The following CKAP2 variants were observed in gnomAD, a reference collection of about 807,000 sequenced individuals.
CKAP2 encodes the protein cytoskeleton associated protein 2.
CKAP2 carries 46 observed loss-of-function variants against 58.4 expected under a neutral mutation model. That is an observed-to-expected ratio of 0.79 (90% CI 0.62 to 1.01). The LOEUF is 1.01. Among genes scored for constraint, CKAP2 ranks in the 50% least tolerant of loss-of-function variants. The pLI, the probability that CKAP2 is intolerant of heterozygous loss-of-function variation, is 0.00. For missense variants in CKAP2, 809 were observed against 796.4 expected (o/e 1.02, Z -0.19); for synonymous variants, 293 against 280.9 (o/e 1.04, Z -0.43).
rs1288022753 is a variant in CKAP2 at position 52,461,479 on chromosome 13, A to G, written c.653A>G (p.Gln218Arg). The G allele has an allele frequency of 6.2e-7, 1 of 1,614,178 alleles. No individual in the cohort carries two copies. Among genetic ancestry groups the G allele is most frequent in the South Asian group, 1.1e-5 (1 of 91,080 alleles). The stretch of plus-strand genomic sequence containing the variant: ...ACTATACCTAAAGCCACAAAACCTC[A>G]GCCTGTAAACACCAGCAGTGTAACA... ...SATIPKATKP[Q>R]PVNTSSVTVK... The change falls in exon 4 of 9, where the codon CAG becomes CGG. Residue 218 changes from glutamine to arginine, a missense_variant. Transcript: ENST00000258607.
intron 1 of CKAP2, 58 bp from the exon 2 acceptor site, chr13:52,456,465 T>G: frequency 3.9e-6 from 5 of 1,287,952 alleles, no homozygotes; most frequent in Non-Finnish European, 5.6e-6. Flanking sequence ...CAAGATTTAT[T>G]TGCCGTTATC....
rs143204885 is a variant in CKAP2, at chr13:52,461,640, A to C, written c.814A>C (p.Ser272Arg). Reference sequence around the variant, plus strand: ...CCGGGACACTGTGAAACAAGGCATCAGTAGAACTTCTGCCAATGTTACAAT... The same window carrying C: ...CCGGGACACTGTGAAACAAGGCATCCGTAGAACTTCTGCCAATGTTACAAT... ...NTRDTVKQGI[S>R]RTSANVTIRK... The change falls in exon 4 of 9, where the codon AGT becomes CGT. Residue 272 changes from serine (S) to arginine (R), a missense_variant. Physicochemically the swap from Ser to Arg is moderately radical, Grantham distance 110. Around this residue, in one of 3 missense-constraint regions of CKAP2, gnomAD observed 523 missense variants for 492.4 expected, o/e 1.06. Coordinates refer to ENST00000258607, the MANE Select transcript of CKAP2 (RefSeq NM_018204.5). The C allele has an allele frequency of 6.2e-7, 1 of 1,614,174 alleles. No individual in the cohort carries two copies. The highest frequency in any genetic ancestry group is 8.5e-7 in the Non-Finnish European group (1 of 1,179,990).
intron 1 of CKAP2, 68 bp from the exon 2 acceptor site, chr13:52,456,455 C>G: frequency 8.1e-7 from 1 of 1,231,240 alleles, no homozygotes; most frequent in East Asian, 2.3e-5. Context: ...ATTTAGTCAA[C>G]AAGATTTATT....
At chr13:52,458,510 A>G (rs1205602243) in intron 2 of CKAP2, among the ~76,000 whole-genome samples, 1 of 152,218 alleles carries the variant, frequency 6.6e-6, no homozygotes, top group African/African-American at 2.4e-5. Context: ...TCTTAATAGG[A>G]AGAAAAGAAA....
rs755954129 is a variant in CKAP2 at position 52,462,509 on chromosome 13, G to A, written c.1247G>A (p.Arg416Lys). The A allele has an allele frequency of 6.2e-7, 1 of 1,613,938 alleles. No individual in the cohort carries two copies. The highest frequency in any genetic ancestry group is 2.2e-5 in the East Asian group (1 of 44,842). Residue 416 changes from arginine to lysine, a missense_variant, in exon 5 of 9, where the codon AGA (arginine) becomes AAA (lysine). Coordinates refer to ENST00000258607, the MANE Select transcript of CKAP2 (RefSeq NM_018204.5). ...WTTMAEEDEQ[R>K]LFTEKVNNTF... ...ACCATGGCAGAAGAAGATGAACAAA[G>A]ATTATTTACTGAAAAAGTAAACAAC...
Position 52,474,689 on chromosome 13 carries a change from G to T in CKAP2, c.1803-206G>T, listed in dbSNP as rs77326498. On this transcript the variant is annotated intron_variant, in intron 8 of 8. Coordinates refer to ENST00000258607, the MANE Select transcript of CKAP2 (RefSeq NM_018204.5). ...ATTAGCCAGTTCTACAGATACTCAG[G>T]TATCTACTGTATACAAGTTGTAATG... Among the ~76,000 whole-genome samples the T allele has an allele frequency of 6.7e-3, 1,017 of 152,224 alleles. 5 individuals are homozygous for T. The highest frequency in any genetic ancestry group is 0.015 in the South Asian group (70 of 4,826).
Position 52,455,495 on chromosome 13 carries a change from T to G in CKAP2, c.-62T>G. ...GCCGCGGTGCAGACTGCGGCGGCGG[T>G]GGTCTGAGGAAGTTCTATCTTGGCG... On this transcript the variant is annotated 5_prime_UTR_variant, in exon 1 of 9. Coordinates refer to ENST00000258607, the MANE Select transcript of CKAP2 (RefSeq NM_018204.5). The G allele has an allele frequency of 6.3e-7, 1 of 1,593,900 alleles. No homozygotes were observed.
At chr13:52,472,292 G>C (rs1958770980) in intron 7 of CKAP2, among the ~76,000 whole-genome samples, 1 of 152,130 alleles carries the variant, frequency 6.6e-6, no homozygotes, top group Non-Finnish European at 1.5e-5. Context: ...CAGTAGATAA[G>C]GACAGTGTCT....
At chr13:52,464,934 T>C (rs1958642377) in intron 5 of CKAP2, among the ~76,000 whole-genome samples, 1 of 152,228 alleles carries the variant, frequency 6.6e-6, no homozygotes, top group South Asian at 2.1e-4. Context: ...CTTTTGATAC[T>C]ATGAACTTTT....
Position 52,473,929 on chromosome 13 carries a change from G to C in CKAP2, c.1647G>C (p.Glu549Asp), listed in dbSNP as rs750931495. 4.8e-5 allele frequency: 78 copies of C among 1,613,990 alleles called. No homozygotes were observed. Among genetic ancestry groups the C allele is most frequent in the Non-Finnish European group, 6.4e-5 (75 of 1,179,960 alleles). Reference protein sequence around the residue: ...VDVDPEKLEMESKLHRNLLFQ... With the variant: ...VDVDPEKLEMDSKLHRNLLFQ... The stretch of plus-strand genomic sequence containing the variant: ...TAGATCCAGAAAAACTGGAAATGGA[G>C]AGTAAACTTCATAGAAATTTGCTAT... The change falls in exon 8 of 9, where the codon GAG becomes GAC. Residue 549 changes from glutamate (E) to aspartate (D), a missense_variant. Glu to Asp is a conservative substitution (Grantham distance 45). Coordinates refer to ENST00000258607, the MANE Select transcript of CKAP2 (RefSeq NM_018204.5).
Position 52,461,898 on chromosome 13 carries a change from C to T in CKAP2, c.1072C>T (p.Gln358Ter), listed in dbSNP as rs538180566. Residue 358 changes from glutamine (Q) to a stop codon, truncating the protein, a stop_gained, in exon 4 of 9, where the codon CAG becomes TAG. Transcript: ENST00000258607. LOFTEE classifies it high-confidence loss of function. ...AGCAATTGTTGATAGTAGATCAGCT[C>T]AGCCCAAAGAAACCTCGGAAGAGAG... is the stretch of plus-strand genomic sequence containing the variant. ...GKAIVDSRSAQPKETSEERKA... is the reference protein window; with the variant it reads ...GKAIVDSRSA 1 of 1,606,474 alleles carries T rather than the reference C, an allele frequency of 6.2e-7. No individual in the cohort carries two copies. Among genetic ancestry groups the T allele is most frequent in the African/African-American group, 1.3e-5 (1 of 74,578 alleles).
At chr13:52,465,979 GCA>G (rs1566102214) in intron 6 of CKAP2, 1 of 114,638 alleles carries the variant, frequency 8.7e-6, no homozygotes, top group East Asian at 2.6e-4. Flanking sequence ...ACACATATAT[GCA>G]CACATATATG....
At chr13:52,470,874 T>C (rs1246253102) in intron 7 of CKAP2, among the ~76,000 whole-genome samples, 1 of 152,092 alleles carries the variant, frequency 6.6e-6, no homozygotes, top group Non-Finnish European at 1.5e-5. Flanking sequence ...AATAACCCAG[T>C]CCTGGCCGGG....
chr13:52,470,267 G>A (rs1338720997), intron 7 of CKAP2, among the ~76,000 whole-genome samples: 2 of 151,902 alleles, frequency 1.3e-5, no homozygotes, highest in African/African-American at 2.4e-5. Context: ...CACCTTGCCC[G>A]GCTAATTTTG....
rs1958591460 is a variant in CKAP2, at chr13:52,461,925, A to G, written c.1099A>G (p.Lys367Glu). The G allele has an allele frequency of 6.3e-7, 1 of 1,579,458 alleles. No individual in the cohort carries two copies. The highest frequency in any genetic ancestry group is 8.6e-7 in the Non-Finnish European group (1 of 1,168,128). The change falls in exon 4 of 9, where the codon AAA becomes GAA. Residue 367 changes from lysine to glutamate, a missense_variant and splice_region_variant. Lys to Glu is a moderately conservative substitution (Grantham distance 56). This residue lies in a region of CKAP2 where 523 missense variants were observed against 492.4 expected (regional missense o/e 1.06). Transcript: ENST00000258607. ...GCCCAAAGAAACCTCGGAAGAGAGA[A>G]AGTAAGTAGATATAATTTTCTTTAT... Reference protein sequence around the residue: ...AQPKETSEERKARLSEWKAGK... With the variant: ...AQPKETSEEREARLSEWKAGK...
At chr13:52,466,892 T>C (rs988855644) in intron 6 of CKAP2, among the ~76,000 whole-genome samples, 2 of 151,820 alleles carry the variant, frequency 1.3e-5, no homozygotes, top group Non-Finnish European at 2.9e-5. Flanking sequence ...GTCCAAGAGT[T>C]CAAGACCAGC....
chr13:52,468,378 T>C (rs1351992142), intron 7 of CKAP2, 31 bp downstream of exon 7: 2 of 1,324,062 alleles, frequency 1.5e-6, no homozygotes, highest in Non-Finnish European at 2.1e-6. Flanking sequence ...TTCCTTCATG[T>C]GAACTGTAGT....
At chr13:52,473,383 C>T (rs146294154) in intron 7 of CKAP2, among the ~76,000 whole-genome samples, 368 of 152,282 alleles carry the variant, frequency 2.4e-3, no homozygotes, top group African/African-American at 7.0e-3. Flanking sequence ...CTCCTGCTCC[C>T]ACTCCTAACC....
chr13:52,466,943 A>C (rs1403314894), intron 6 of CKAP2, among the ~76,000 whole-genome samples: 1 of 151,892 alleles, frequency 6.6e-6, no homozygotes, highest in East Asian at 1.9e-4. Context: ...GCAAAAAATA[A>C]AATTTTTAAA....
Sources: gnomAD v4.1 joint callset for allele counts (sites outside exome capture counted in the v4.1 genomes callset) on GRCh38, gnomAD v4.1.1 for gene constraint, gnomAD v4.1.1 regional missense constraint, MANE v1.5 for transcripts, NCBI Gene and HGNC (gene_info 2026-07-23, HGNC 2026-07-21) for gene names.